Variants in TDP2 observed in about 807,000 individuals in gnomAD.
The protein encoded by TDP2 is tyrosyl-DNA phosphodiesterase 2, also known as 5'-Tyr-DNA phosphodiesterase.
In TDP2, 38 loss-of-function variants were observed where a neutral mutation model predicts 42.8. The observed-to-expected ratio is 0.89, with a 90% CI of 0.68 to 1.16. TDP2 has a LOEUF of 1.16. Ranked by LOEUF, TDP2 falls within the 50% of genes most tolerant of loss-of-function variation. The pLI is 0.00. For synonymous variants in TDP2, 173 were observed against 150.6 expected (o/e 1.15, Z -1.09); for missense variants, 439 against 439.3 (o/e 1.00, Z 0.01).
Position 24,653,007 on chromosome 6 carries a change from T to A in TDP2, c.783A>T (p.Gly261=). ...APESATVIFA[G]DTNLRDREVT... ...CCTCTCGATCCCTTAGATTTGTATCTCCTGCAAATATAACTGTAGCTGACT... is the reference window on the plus strand; with the variant it reads ...CCTCTCGATCCCTTAGATTTGTATCACCTGCAAATATAACTGTAGCTGACT... Residue 261 remains glycine, a synonymous_variant, in exon 6 of 7, where the codon GGA becomes GGT. Coordinates refer to ENST00000378198, the MANE Select transcript of TDP2 (RefSeq NM_016614.3). 6.2e-7 allele frequency: 1 copy of A among 1,613,826 alleles called. No individual in the cohort carries two copies.
chr6:24,660,586 C>G (rs1212722491), intron 2 of TDP2, among the ~76,000 whole-genome samples: 1 of 152,208 alleles, frequency 6.6e-6, no homozygotes, highest in Non-Finnish European at 1.5e-5. Context: ...TGGTGCATAA[C>G]AGTATACTCT....
chr6:24,657,814 G>C lies in TDP2; in HGVS notation c.515C>G (p.Thr172Arg). Residue 172 changes from threonine (T) to arginine (R), a missense_variant and splice_region_variant, in exon 4 of 7, where the codon ACA (threonine) becomes AGA (arginine). Coordinates refer to ENST00000378198, the MANE Select transcript of TDP2 (RefSeq NM_016614.3). ...AGTTGAATAACAAAAATTGTTACCT[G>C]TAATAATCTCATAATTACTTGATCT... ...KKRSSNYEII[T>R]GHEEGYFTAI... 1 of 1,520,074 alleles carries C rather than the reference G, an allele frequency of 6.6e-7. No individual in the cohort carries two copies. Among genetic ancestry groups the C allele is most frequent in the Non-Finnish European group, 8.9e-7 (1 of 1,119,748 alleles). 94.2% of individuals were successfully genotyped at this position (1,520,074 alleles called of 1,614,324 possible).
chr6:24,662,498 A>G (rs898111673), intron 2 of TDP2, among the ~76,000 whole-genome samples: 7 of 151,916 alleles, frequency 4.6e-5, no homozygotes, highest in Non-Finnish European at 8.8e-5. Context: ...CAGACATAGC[A>G]CCTTTCCTTA....
chr6:24,657,727 A>T, intron 4 of TDP2, 85 bp downstream of exon 4: 1 of 659,410 alleles, frequency 1.5e-6, no homozygotes, highest in Non-Finnish European at 2.5e-6. Flanking sequence ...TTTCCTCTCT[A>T]TGTCCCAATA....
chr6:24,656,709 C>G (rs1450506203), intron 4 of TDP2, among the ~76,000 whole-genome samples: 1 of 152,148 alleles, frequency 6.6e-6, no homozygotes, highest in East Asian at 1.9e-4. Flanking sequence ...AGAATGCCTT[C>G]AGAATTCTGA....
intron 2 of TDP2, chr6:24,666,200 C>A (rs1778231533): frequency 3.2e-6 from 5 of 1,550,262 alleles, no homozygotes; most frequent in Non-Finnish European, 4.4e-6. Flanking sequence ...TGCCATTTTT[C>A]GATAGAAGGT....
chr6:24,661,895 T>C (rs1043581111), intron 2 of TDP2, among the ~76,000 whole-genome samples: 3 of 152,324 alleles, frequency 2.0e-5, no homozygotes, highest in Middle Eastern at 3.4e-3. Context: ...TTTTGATCTG[T>C]ACTAAGAAAA....
At chr6:24,654,833 G>C (rs890718677) in intron 4 of TDP2, among the ~76,000 whole-genome samples, 2 of 152,118 alleles carry the variant, frequency 1.3e-5, no homozygotes, top group Non-Finnish European at 2.9e-5. Flanking sequence ...CTGAGGTCAG[G>C]AGTTTGAGAC....
chr6:24,666,212 T>C (rs1430497899), intron 2 of TDP2: 1 of 1,548,978 alleles, frequency 6.5e-7, no homozygotes, highest in African/African-American at 1.4e-5. Context: ...ATAGAAGGTT[T>C]AGCCTTCGTT....
Position 24,666,397 on chromosome 6 carries a change from T to C in TDP2, c.251+129A>G, listed in dbSNP as rs1582427724. Reference sequence around the variant, plus strand: ...AGCAGCAACGCAAGCCCTGCTCCTCTGGCTACGCAGCTTGGAGATCTGCCT... The same window carrying C: ...AGCAGCAACGCAAGCCCTGCTCCTCCGGCTACGCAGCTTGGAGATCTGCCT... On this transcript the variant is annotated intron_variant, in intron 2 of 6. Coordinates refer to ENST00000378198, the MANE Select transcript of TDP2 (RefSeq NM_016614.3). 11 of 1,419,108 alleles carry C rather than the reference T, an allele frequency of 7.8e-6. No individual in the cohort carries two copies. In the East Asian group the frequency reaches 2.3e-4, roughly 30 times the overall value. The allele number at this position is 1,419,108 out of a possible 1,614,324, so 87.9% of individuals were successfully genotyped here.
intron 6 of TDP2, among the ~76,000 whole-genome samples, chr6:24,652,539 G>A (rs977457469): frequency 6.6e-6 from 1 of 151,870 alleles, no homozygotes; most frequent in South Asian, 2.1e-4. Flanking sequence ...GGAAAAGTGG[G>A]TAAAAAAGGC....
rs374818883 is a variant in TDP2 at position 24,662,338 on chromosome 6, C to A, written c.252-3604G>T. On this transcript the variant is annotated intron_variant, in intron 2 of 6. Coordinates refer to ENST00000378198, the MANE Select transcript of TDP2 (RefSeq NM_016614.3). ...GCTCGTCCCTGGGAATGGAATGTCT[C>A]GGTATAAAACCCGATCGTACATTCT... is the stretch of plus-strand genomic sequence containing the variant. Among the ~76,000 whole-genome samples, 168 of 152,170 alleles carry A rather than the reference C, an allele frequency of 1.1e-3. 4 individuals are homozygous for A. In the South Asian group the frequency reaches 0.029, roughly 27 times the overall value.
At chr6:24,664,886 G>T (rs567057962) in intron 2 of TDP2, among the ~76,000 whole-genome samples, 2 of 152,126 alleles carry the variant, frequency 1.3e-5, no homozygotes, top group East Asian at 3.9e-4. Context: ...ACCATTCCGG[G>T]GTAAGAGAAT....
rs1777969666 is a variant in TDP2 at position 24,651,192 on chromosome 6, CAAT to C, written c.808-126_808-124del. ...AAATTATTAATGCAGAAATGCAAAA[CAAT>C]GAGATACATTATAAAAAGTACTATG... On this transcript the variant is annotated intron_variant, in intron 6 of 6. Transcript: ENST00000378198. The C allele has an allele frequency of 8.3e-6, 6 of 722,834 alleles. No homozygotes were observed. In the South Asian group the frequency reaches 1.2e-4, roughly 14 times the overall value. The allele number at this position is 722,834 out of a possible 1,614,324, so 44.8% of individuals were successfully genotyped here. A position where few individuals can be genotyped will look rare whatever the true frequency, so the allele number is the denominator to read the frequency against.
intron 2 of TDP2, among the ~76,000 whole-genome samples, chr6:24,659,341 A>G (rs1490420266): frequency 2.0e-5 from 3 of 152,194 alleles, no homozygotes; most frequent in Non-Finnish European, 4.4e-5. Flanking sequence ...TTGGTGTCTC[A>G]GGGTATTGAC....
At chr6:24,654,617 T>C (rs1582420732) in intron 4 of TDP2, 87 bp from the exon 5 acceptor site, 1 of 713,050 alleles carries the variant, frequency 1.4e-6, no homozygotes, top group Non-Finnish European at 2.4e-6. Flanking sequence ...AAGAATTTTA[T>C]AGCAAACAGG....
At chr6:24,664,330 T>TTAAAAAAAAAAAA (rs1554188692) in intron 2 of TDP2, among the ~76,000 whole-genome samples, 1 of 78,922 alleles carries the variant, frequency 1.3e-5, no homozygotes. Context: ...GCACAGCTAA[T>TTAAAAAAAAAAAA]AAAAAAAAAA....
At position 24,664,436 on chromosome 6, in the gene TDP2, A is replaced by C. The variant is rs558938823; in HGVS notation, c.251+2090T>G. ...AATTCCCCAGATAATTCCAATATGC[A>C]GCTAAGATTCAGCATAGCTGTTTTA... is the stretch of plus-strand genomic sequence containing the variant. On this transcript the variant is annotated intron_variant, in intron 2 of 6. Coordinates refer to ENST00000378198, the MANE Select transcript of TDP2 (RefSeq NM_016614.3). Among the ~76,000 whole-genome samples, 4 of 151,960 alleles carry C rather than the reference A, an allele frequency of 2.6e-5. No individual in the cohort carries two copies. In the South Asian group the frequency reaches 8.3e-4, roughly 32 times the overall value.
In TDP2 at chr6:24,666,616, AAAAC is replaced by A. The variant is rs775826087; in HGVS notation, c.166-9_166-6del. ...GAAGTAGGAGTTCAGAGCCCTCTGA[AAAAC>A]AAAGGCACAAGGGATGAGGTTTGTG... is the stretch of plus-strand genomic sequence containing the variant. On this transcript the variant is annotated splice_polypyrimidine_tract_variant and splice_region_variant and intron_variant, in intron 1 of 6. Coordinates refer to ENST00000378198, the MANE Select transcript of TDP2 (RefSeq NM_016614.3). 4 of 1,614,236 alleles carry A rather than the reference AAAAC, an allele frequency of 2.5e-6. No individual in the cohort carries two copies. Among genetic ancestry groups the A allele is most frequent in the African/African-American group, 1.3e-5 (1 of 75,072 alleles).
Sources: allele counts gnomAD v4.1 joint callset (sites outside exome capture counted in the v4.1 genomes callset), GRCh38; gene constraint gnomAD v4.1.1; transcripts MANE v1.5; gene names NCBI Gene and HGNC (gene_info 2026-07-23, HGNC 2026-07-21).